Variants in TXNL1 observed in about 807,000 individuals in gnomAD.
The protein encoded by TXNL1 is thioredoxin-like protein 1.
A neutral mutation model predicts 35.5 loss-of-function variants in TXNL1; 14 were observed. The ratio of observed to expected loss-of-function variants is 0.39; its 90% CI spans 0.26 to 0.62. The LOEUF (loss-of-function observed/expected upper bound fraction) is 0.62. Ranked by LOEUF, TXNL1 falls within the 20% of genes least tolerant of loss-of-function variation. The probability of loss-of-function intolerance (pLI) is 0.47; values close to 1 mark genes in which losing one functional copy is unlikely to be tolerated. For missense variants in TXNL1, 263 were observed against 349.7 expected (o/e 0.75, Z 1.98); for synonymous variants, 110 against 115.5 (o/e 0.95, Z 0.31).
rs1158527531 is a variant in TXNL1 at position 56,597,304 on chromosome 18, G to A, written c.*5723C>T. The A allele has an allele frequency of 1.3e-5, 2 of 152,216 alleles. No individual in the cohort carries two copies. The highest frequency in any genetic ancestry group is 4.8e-5 in the African/African-American group (2 of 41,460). 9.4% of individuals were successfully genotyped at this position (152,216 alleles called of 1,614,324 possible). ...ATCTCCAAGTTTTGCCAAGTGTCAT[G>A]TAAAACTGTGTTCAATGGTAGACTA... On this transcript the variant is annotated 3_prime_UTR_variant, in exon 8 of 8. Coordinates refer to ENST00000217515, the MANE Select transcript of TXNL1 (RefSeq NM_004786.3).
intron 6 of TXNL1, among the ~76,000 whole-genome samples, chr18:56,612,156 C>T (rs1251440898): frequency 1.3e-5 from 2 of 151,290 alleles, no homozygotes; most frequent in African/African-American, 2.4e-5. Flanking sequence ...TGTGAGCCAC[C>T]GCGCCCAGCA....
chr18:56,610,180 G>C (rs2023967459), intron 7 of TXNL1: 1 of 152,192 alleles, frequency 6.6e-6, no homozygotes, highest in Non-Finnish European at 1.5e-5. Flanking sequence ...GCAATCATTA[G>C]AGACAGTGGG....
At chr18:56,627,159 C>T (rs2024299238) in intron 1 of TXNL1, among the ~76,000 whole-genome samples, 1 of 152,012 alleles carries the variant, frequency 6.6e-6, no homozygotes, top group African/African-American at 2.4e-5. Flanking sequence ...ATACTTGTAT[C>T]AATACTATAC....
intron 1 of TXNL1, among the ~76,000 whole-genome samples, chr18:56,636,806 G>A (rs564384311): frequency 2.6e-5 from 4 of 152,210 alleles, no homozygotes; most frequent in African/African-American, 9.6e-5. Context: ...AAATATAAAA[G>A]CTTCGACGGG....
Position 56,597,216 on chromosome 18 carries a change from T to C in TXNL1, c.*5811A>G, listed in dbSNP as rs916152814. ...AAAATACAAGAGAAAAAGCACCTGA[T>C]AAGATCCTTTAATGACAACTTCAAA... On this transcript the variant is annotated 3_prime_UTR_variant, in exon 8 of 8. Coordinates refer to ENST00000217515, the MANE Select transcript of TXNL1 (RefSeq NM_004786.3). 1 of 152,178 alleles carries C rather than the reference T, an allele frequency of 6.6e-6. No homozygotes were observed. Among genetic ancestry groups the C allele is most frequent in the African/African-American group, 2.4e-5 (1 of 41,452 alleles). The allele number at this position is 152,178 out of a possible 1,614,324, so 9.4% of individuals were successfully genotyped here.
intron 2 of TXNL1, 152 bp downstream of exon 2, chr18:56,626,209 A>G (rs2024275532): frequency 6.5e-6 from 9 of 1,388,402 alleles, no homozygotes; most frequent in Non-Finnish European, 8.4e-6. Context: ...TGCAGCCATA[A>G]TGACATCTGT....
At chr18:56,626,797 CTTTTTTTTTT>C (rs386387792) in intron 1 of TXNL1, among the ~76,000 whole-genome samples, 33 of 55,014 alleles carry the variant, frequency 6.0e-4, no homozygotes, top group Admixed American at 9.3e-4. Flanking sequence ...CCAAGCCGGT[CTTTTTTTTTT>C]TTTTTTTTTT....
chr18:56,618,049 A>G lies in TXNL1; in HGVS notation c.447T>C (p.Cys149=), dbSNP rs1433357323. 1 of 1,614,096 alleles carries G rather than the reference A, an allele frequency of 6.2e-7. No individual in the cohort carries two copies. The highest frequency in any genetic ancestry group is 8.5e-7 in the Non-Finnish European group (1 of 1,179,986). ...NESDEHGFDN[C]LRKDTTFLES... ...CCAAGAAGGTTGTGTCTTTTCGTAA[A>G]CAGTTGTCAAATCCATGCTCATCAC... The change falls in exon 4 of 8, where the codon TGT becomes TGC. Residue 149 remains cysteine, a synonymous_variant. Coordinates refer to ENST00000217515, the MANE Select transcript of TXNL1 (RefSeq NM_004786.3).
At chr18:56,614,862 A>AGAGG (rs935656123) in intron 5 of TXNL1, among the ~76,000 whole-genome samples, 2 of 152,188 alleles carry the variant, frequency 1.3e-5, no homozygotes, top group African/African-American at 4.8e-5. Context: ...ACACACACAC[A>AGAGG]GAGGGAGTCC....
chr18:56,633,129 C>T lies in TXNL1; in HGVS notation c.98+5214G>A, dbSNP rs150234565. ...CAATGTATCTCCAGCCTAAGCAACA[C>T]GACAAAACCCCACCTCTACAAAAAT... On this transcript the variant is annotated intron_variant, in intron 1 of 7. Coordinates refer to ENST00000217515, the MANE Select transcript of TXNL1 (RefSeq NM_004786.3). Among the ~76,000 whole-genome samples the T allele has an allele frequency of 1.5e-3, 221 of 150,852 alleles. 1 individual carries two copies. Among genetic ancestry groups the T allele is most frequent in the African/African-American group, 5.2e-3 (211 of 40,844 alleles).
At chr18:56,625,373 T>C (rs2024259289) in intron 2 of TXNL1, among the ~76,000 whole-genome samples, 1 of 152,174 alleles carries the variant, frequency 6.6e-6, no homozygotes, top group African/African-American at 2.4e-5. Context: ...AATATATCCA[T>C]TTTCAATCTA....
At chr18:56,621,012 G>C (rs1262837358) in intron 3 of TXNL1, among the ~76,000 whole-genome samples, 1 of 152,182 alleles carries the variant, frequency 6.6e-6, no homozygotes, top group African/African-American at 2.4e-5. Flanking sequence ...TAAAAGGGCA[G>C]TTTTGACAAA....
At chr18:56,635,964 A>G (rs1432872518) in intron 1 of TXNL1, among the ~76,000 whole-genome samples, 1 of 152,218 alleles carries the variant, frequency 6.6e-6, no homozygotes, top group East Asian at 1.9e-4. Flanking sequence ...GAAAATAATG[A>G]CAAGAAAAAA....
rs1358309428 is a variant in TXNL1 at position 56,601,755 on chromosome 18, A to G, written c.*1272T>C. On this transcript the variant is annotated 3_prime_UTR_variant, in exon 8 of 8. Transcript: ENST00000217515. ...CCCTCAAATGTTTAACTGAATCACA[A>G]TTTTACAGTCTTATGTACTCTTTAA... 1.3e-5 allele frequency: 2 copies of G among 152,180 alleles called. No individual in the cohort carries two copies. Among genetic ancestry groups the G allele is most frequent in the East Asian group, 1.9e-4 (1 of 5,184 alleles). 9.4% of individuals were successfully genotyped at this position (152,180 alleles called of 1,614,324 possible).
Position 56,603,017 on chromosome 18 carries a change from C to G in TXNL1, c.*10G>C. On this transcript the variant is annotated 3_prime_UTR_variant, in exon 8 of 8. Transcript: ENST00000217515. The stretch of plus-strand genomic sequence containing the variant: ...TGATTGCAATATGGTTGTCCAGTGT[C>G]TTTTGTACCTTAGTGGCTTTCTCCT... The G allele has an allele frequency of 6.2e-7, 1 of 1,613,752 alleles. No homozygotes were observed. Among genetic ancestry groups the G allele is most frequent in the East Asian group, 2.2e-5 (1 of 44,824 alleles).
At position 56,597,798 on chromosome 18, in the gene TXNL1, C is replaced by T. The variant is rs2023762216; in HGVS notation, c.*5229G>A. ...TGGCTTTTTACTTACTAGACATCGC[C>T]ACCCAAATACCAAAAATGCAATTTA... On this transcript the variant is annotated 3_prime_UTR_variant, in exon 8 of 8. Coordinates refer to ENST00000217515, the MANE Select transcript of TXNL1 (RefSeq NM_004786.3). 1 of 152,212 alleles carries T rather than the reference C, an allele frequency of 6.6e-6. No individual in the cohort carries two copies. Among genetic ancestry groups the T allele is most frequent in the African/African-American group, 2.4e-5 (1 of 41,452 alleles). 9.4% of individuals were successfully genotyped at this position (152,212 alleles called of 1,614,324 possible).
At position 56,602,386 on chromosome 18, in the gene TXNL1, A is replaced by T. The variant is rs2023822310; in HGVS notation, c.*641T>A. The T allele has an allele frequency of 3.0e-5, 1 of 33,150 alleles. No individual in the cohort carries two copies. Among genetic ancestry groups the T allele is most frequent in the Admixed American group, 9.3e-4 (1 of 1,078 alleles). 2.1% of individuals were successfully genotyped at this position (33,150 alleles called of 1,614,324 possible). ...ATTTCCACATTCTTCTATTAGTTAA[A>T]AAAAAAAAAAAAAAAAAAAAGGCTG... On this transcript the variant is annotated 3_prime_UTR_variant, in exon 8 of 8. Coordinates refer to ENST00000217515, the MANE Select transcript of TXNL1 (RefSeq NM_004786.3).
chr18:56,631,409 C>T (rs1002572413), intron 1 of TXNL1, among the ~76,000 whole-genome samples: 34 of 152,166 alleles, frequency 2.2e-4, no homozygotes, highest in African/African-American at 7.9e-4. Context: ...TTTGCACAAT[C>T]TACGATTTCT....
intron 7 of TXNL1, chr18:56,609,323 A>C (rs1259056897): frequency 6.6e-6 from 1 of 152,218 alleles, no homozygotes; most frequent in Non-Finnish European, 1.5e-5. Flanking sequence ...GCTATCCTAA[A>C]GACAGCCCCC....
Sources: allele counts gnomAD v4.1 joint callset (sites outside exome capture counted in the v4.1 genomes callset), GRCh38; gene constraint gnomAD v4.1.1; transcripts MANE v1.5; gene names NCBI Gene and HGNC (gene_info 2026-07-23, HGNC 2026-07-21).